Variants in TNFRSF21 observed in about 807,000 individuals in gnomAD.
TNFRSF21 encodes the protein TNF receptor superfamily member 21, also known as tumor necrosis factor receptor superfamily member 21.
In TNFRSF21, 19 loss-of-function variants were observed where a neutral mutation model predicts 45.6. That is an observed-to-expected ratio of 0.42 (90% CI 0.29 to 0.61). The LOEUF (loss-of-function observed/expected upper bound fraction) is 0.61, where lower values mean the gene tolerates loss of function less well. Among genes scored for constraint, TNFRSF21 ranks in the 20% least tolerant of loss-of-function variants. TNFRSF21 has a pLI of 0.23. For missense variants in TNFRSF21, 737 were observed against 851.5 expected, an observed-to-expected ratio of 0.87 and a Z score of 1.67; for synonymous variants, 314 against 335.5, an observed-to-expected ratio of 0.94 and a Z score of 0.70.
intron 1 of TNFRSF21, among the ~76,000 whole-genome samples, chr6:47,289,921 G>A (rs1006340776): frequency 6.6e-6 from 1 of 152,128 alleles, no homozygotes; most frequent in Non-Finnish European, 1.5e-5. Context: ...TTGAGCCTGG[G>A]AGGCGGAGGT....
At chr6:47,308,830 G>T (rs1459878181) in intron 1 of TNFRSF21, among the ~76,000 whole-genome samples, 1 of 152,256 alleles carries the variant, frequency 6.6e-6, no homozygotes, top group Non-Finnish European at 1.5e-5. Context: ...AGAGGGAAGA[G>T]AGAGGGTAAA....
chr6:47,289,303 G>A (rs892162173), intron 1 of TNFRSF21, among the ~76,000 whole-genome samples: 3 of 152,172 alleles, frequency 2.0e-5, no homozygotes, highest in East Asian at 3.9e-4. Flanking sequence ...CTTAATTCAA[G>A]GTTCAATTCT....
intron 1 of TNFRSF21, among the ~76,000 whole-genome samples, chr6:47,287,307 C>CAAAAAAAAAAAAA (rs1164380285): frequency 4.8e-5 from 1 of 20,878 alleles, no homozygotes; most frequent in African/African-American, 1.2e-4. Flanking sequence ...AACTCTTTCT[C>CAAAAAAAAAAAAA]AAAAAAAAAA....
At chr6:47,300,766 A>G (rs1029698941) in intron 1 of TNFRSF21, among the ~76,000 whole-genome samples, 1 of 152,160 alleles carries the variant, frequency 6.6e-6, no homozygotes, top group Admixed American at 6.5e-5. Context: ...TCTGTTCTTT[A>G]AAAGGCTGGT....
Position 47,251,794 on chromosome 6 carries a change from C to T in TNFRSF21, c.1509+1462G>A, listed in dbSNP as rs578062668. On this transcript the variant is annotated intron_variant, in intron 4 of 5. Coordinates refer to ENST00000296861, the MANE Select transcript of TNFRSF21 (RefSeq NM_014452.5). Reference sequence around the variant, plus strand: ...ACTTAATTGGAGGGTTAACATCTCCCTCACTTTCCCCCAAATCCAGCTACT... The same window carrying T: ...ACTTAATTGGAGGGTTAACATCTCCTTCACTTTCCCCCAAATCCAGCTACT... Among the ~76,000 whole-genome samples, 3 of 152,296 alleles carry T rather than the reference C, an allele frequency of 2.0e-5. No homozygotes were observed. The South Asian group carries it at 6.2e-4, about 32-fold the overall frequency.
At chr6:47,297,545 C>T (rs1371559301) in intron 1 of TNFRSF21, among the ~76,000 whole-genome samples, 46 of 122,104 alleles carry the variant, frequency 3.8e-4, no homozygotes, top group African/African-American at 1.4e-3. Flanking sequence ...TTTTTTGAGA[C>T]GAAGTCTCGC....
chr6:47,304,995 T>G (rs966206284), intron 1 of TNFRSF21, among the ~76,000 whole-genome samples: 1 of 152,230 alleles, frequency 6.6e-6, no homozygotes, highest in Non-Finnish European at 1.5e-5. Context: ...CTTTCTCTAC[T>G]GAGGCTAACG....
intron 4 of TNFRSF21, among the ~76,000 whole-genome samples, chr6:47,237,916 G>A (rs1246674352): frequency 6.6e-6 from 1 of 152,100 alleles, no homozygotes; most frequent in Non-Finnish European, 1.5e-5. Flanking sequence ...CAGGCGTGGT[G>A]GCAGGCGCCT....
intron 2 of TNFRSF21, 63 bp from the exon 3 acceptor site, chr6:47,284,495 C>T (rs1762619614): frequency 1.4e-6 from 2 of 1,460,878 alleles, no homozygotes; most frequent in African/African-American, 2.8e-5. Flanking sequence ...TACATTCCCT[C>T]CTTTCCCTGG....
chr6:47,234,234 T>G (rs1582310186), intron 5 of TNFRSF21, among the ~76,000 whole-genome samples: 1 of 152,098 alleles, frequency 6.6e-6, no homozygotes, highest in Non-Finnish European at 1.5e-5. Context: ...ACCTCGGCCT[T>G]CCAAAGTGCT....
chr6:47,286,996 C>CATTTGCAAAATTTGCA lies in TNFRSF21; in HGVS notation c.97-417_97-402dup, dbSNP rs1273967416. Among the ~76,000 whole-genome samples the CATTTGCAAAATTTGCA allele has an allele frequency of 1.6e-4, 24 of 152,206 alleles. No homozygotes were observed. In the East Asian group the frequency reaches 2.9e-3, roughly 18 times the overall value. ...CACTGGCTCACACCTGTAATTTTTG[C>CATTTGCAAAATTTGCA]ATTTGCAAAATTTGCAATTTGCAAA... On this transcript the variant is annotated intron_variant, in intron 1 of 5. Coordinates refer to ENST00000296861, the MANE Select transcript of TNFRSF21 (RefSeq NM_014452.5).
At chr6:47,291,353 A>G (rs1017562623) in intron 1 of TNFRSF21, among the ~76,000 whole-genome samples, 1 of 152,218 alleles carries the variant, frequency 6.6e-6, no homozygotes, top group Non-Finnish European at 1.5e-5. Context: ...TGAATCAAAA[A>G]GCTGTCTGCT....
intron 4 of TNFRSF21, among the ~76,000 whole-genome samples, chr6:47,244,718 G>A (rs1368650997): frequency 6.6e-6 from 1 of 152,054 alleles, no homozygotes; most frequent in African/African-American, 2.4e-5. Flanking sequence ...TTTCCTCTGT[G>A]GCAATTGTTT....
intron 4 of TNFRSF21, among the ~76,000 whole-genome samples, chr6:47,244,117 A>C (rs915976048): frequency 4.6e-5 from 7 of 152,210 alleles, no homozygotes; most frequent in Non-Finnish European, 5.9e-5. Context: ...GTCAGGAGAT[A>C]GAGACCATCC....
At position 47,256,100 on chromosome 6, in the gene TNFRSF21, G is replaced by A. The variant is rs117373301; in HGVS notation, c.1244-2579C>T. On this transcript the variant is annotated intron_variant, in intron 3 of 5. Transcript: ENST00000296861. ...GAAGGACGCTGTGGCTCCTCAACAC[G>A]CATTCTTACTTTGCCAGGCAATCCT... Among the ~76,000 whole-genome samples, 6 of 152,270 alleles carry A rather than the reference G, an allele frequency of 3.9e-5. No homozygotes were observed. In the East Asian group the frequency reaches 9.6e-4, roughly 24 times the overall value.
intron 4 of TNFRSF21, among the ~76,000 whole-genome samples, chr6:47,237,639 A>G (rs1465488457): frequency 4.6e-5 from 7 of 152,216 alleles, no homozygotes; most frequent in Non-Finnish European, 7.3e-5. Context: ...TTATAAAATA[A>G]AATAATTTAT....
Position 47,286,407 on chromosome 6 carries a change from G to A in TNFRSF21, c.285C>T (p.Thr95=), listed in dbSNP as rs944598243. Residue 95 remains threonine, a synonymous_variant, in exon 2 of 6, where the codon ACC becomes ACT. Transcript: ENST00000296861. The stretch of plus-strand genomic sequence containing the variant: ...CTATGCCATTCTCATGCCTGGTAAA[G>A]GTCCCCACAGGGCAACTGCTGCAGA... ...LRVCSSCPVG[T]FTRHENGIEK... The A allele has an allele frequency of 6.2e-7, 1 of 1,614,214 alleles. No individual in the cohort carries two copies. The highest frequency in any genetic ancestry group is 8.5e-7 in the Non-Finnish European group (1 of 1,180,026).
At chr6:47,292,378 A>C (rs1185157564) in intron 1 of TNFRSF21, among the ~76,000 whole-genome samples, 1 of 140,024 alleles carries the variant, frequency 7.1e-6, no homozygotes, top group Non-Finnish European at 1.5e-5. Context: ...GGGAAGCTTT[A>C]AAAAAAAAAA....
At chr6:47,245,904 T>C (rs911396311) in intron 4 of TNFRSF21, among the ~76,000 whole-genome samples, 2 of 152,176 alleles carry the variant, frequency 1.3e-5, no homozygotes, top group African/African-American at 4.8e-5. Flanking sequence ...GAAGCAGGCA[T>C]GTCTTACATG....
Sources: gnomAD v4.1 joint callset for allele counts (sites outside exome capture counted in the v4.1 genomes callset) on GRCh38, gnomAD v4.1.1 for gene constraint, MANE v1.5 for transcripts, NCBI Gene and HGNC (gene_info 2026-07-23, HGNC 2026-07-21) for gene names.